Variants in MAML2 observed in about 807,000 individuals in gnomAD.
MAML2 encodes mastermind like transcriptional coactivator 2, also known as mastermind-like protein 2.
A neutral mutation model predicts 96.1 loss-of-function variants in MAML2; 22 were observed. The ratio of observed to expected loss-of-function variants is 0.23; its 90% CI spans 0.16 to 0.33. The LOEUF is 0.33. Among genes scored for constraint, MAML2 ranks in the 10% least tolerant of loss-of-function variants. The probability of loss-of-function intolerance (pLI) is 1.00; values close to 1 mark genes in which losing one functional copy is unlikely to be tolerated. For synonymous variants in MAML2, 561 were observed against 521.3 expected, an observed-to-expected ratio of 1.08 and a Z score of -1.04; for missense variants, 1,367 against 1,392.4, an observed-to-expected ratio of 0.98 and a Z score of 0.29.
intron 1 of MAML2, among the ~76,000 whole-genome samples, chr11:96,290,819 C>T (rs762539002): frequency 1.3e-5 from 2 of 152,110 alleles, no homozygotes; most frequent in African/African-American, 4.8e-5. Context: ...AATTATGGCA[C>T]TGTGTTGTAA....
chr11:95,987,395 A>G (rs1857844148), intron 3 of MAML2, among the ~76,000 whole-genome samples: 2 of 152,154 alleles, frequency 1.3e-5, no homozygotes, highest in African/African-American at 2.4e-5. Context: ...GCTGCTTTTT[A>G]TCTTGTTTGG....
chr11:96,137,692 G>A (rs939645297), intron 1 of MAML2, among the ~76,000 whole-genome samples: 5 of 152,146 alleles, frequency 3.3e-5, no homozygotes, highest in African/African-American at 7.2e-5. Context: ...TCTGAAAGAC[G>A]GTGGGCAGGG....
intron 1 of MAML2, among the ~76,000 whole-genome samples, chr11:96,158,965 T>G (rs1242689263): frequency 6.6e-6 from 1 of 152,228 alleles, no homozygotes; most frequent in East Asian, 1.9e-4. Flanking sequence ...TAGAGCCTTC[T>G]GTTTCCTATT....
Position 96,342,742 on chromosome 11 carries a change from T to G in MAML2, c.-847A>C, listed in dbSNP as rs1392197708. ...TCACTCCCTCTAAGGTTTCCTAGCC[T>G]TAAATGAAAAGCAATCTTAAGTCGC... is the stretch of plus-strand genomic sequence containing the variant. On this transcript the variant is annotated 5_prime_UTR_variant, in exon 1 of 5. Transcript: ENST00000524717. The G allele has an allele frequency of 3.1e-6, 1 of 321,968 alleles. No homozygotes were observed. The highest frequency in any genetic ancestry group is 5.6e-6 in the Non-Finnish European group (1 of 178,066). The allele number at this position is 321,968 out of a possible 1,614,324, so 19.9% of individuals were successfully genotyped here. A position where few individuals can be genotyped will look rare whatever the true frequency, so the allele number is the denominator to read the frequency against.
intron 1 of MAML2, among the ~76,000 whole-genome samples, chr11:96,273,650 A>G (rs1175065634): frequency 6.6e-6 from 1 of 152,210 alleles, no homozygotes; most frequent in Non-Finnish European, 1.5e-5. Context: ...TAGTCTATGT[A>G]GTAGTTATGT....
In MAML2 at chr11:96,167,948, T is replaced by C. The variant is rs911203427; in HGVS notation, c.514-74431A>G. ...AAGCATATGTAATGACCTATGTATATGTCTGAAGTCTGGATTCCTGCTGAG... is the reference window on the plus strand; with the variant it reads ...AAGCATATGTAATGACCTATGTATACGTCTGAAGTCTGGATTCCTGCTGAG... On this transcript the variant is annotated intron_variant, in intron 1 of 4. Transcript: ENST00000524717. Among the ~76,000 whole-genome samples the C allele has an allele frequency of 3.9e-5, 6 of 152,240 alleles. 1 individual carries two copies. Among genetic ancestry groups the C allele is most frequent in the Admixed American group, 3.3e-4 (5 of 15,288 alleles).
intron 1 of MAML2, among the ~76,000 whole-genome samples, chr11:96,237,935 T>C (rs1862386955): frequency 6.6e-6 from 1 of 152,260 alleles, no homozygotes; most frequent in South Asian, 2.1e-4. Context: ...TGAGCTGACT[T>C]ACTACATTGA....
At chr11:96,084,128 T>C (rs947661885) in intron 2 of MAML2, among the ~76,000 whole-genome samples, 1 of 151,924 alleles carries the variant, frequency 6.6e-6, no homozygotes, top group Non-Finnish European at 1.5e-5. Flanking sequence ...GTGTAGAGTG[T>C]ATATGAGTTT....
chr11:96,302,732 C>T (rs1715954012), intron 1 of MAML2, among the ~76,000 whole-genome samples: 1 of 152,072 alleles, frequency 6.6e-6, no homozygotes, highest in South Asian at 2.1e-4. Context: ...GAATTACTCT[C>T]TTGATTAAAT....
chr11:96,009,078 T>C (rs1245629359), intron 2 of MAML2, among the ~76,000 whole-genome samples: 1 of 152,194 alleles, frequency 6.6e-6, no homozygotes, highest in African/African-American at 2.4e-5. Flanking sequence ...TGAAAGTATT[T>C]TGAGTTCTTT....
At chr11:96,010,822 T>C (rs1178308154) in intron 2 of MAML2, among the ~76,000 whole-genome samples, 1 of 152,236 alleles carries the variant, frequency 6.6e-6, no homozygotes, top group African/African-American at 2.4e-5. Flanking sequence ...TTAGTTGTTC[T>C]ATATTAGTAC....
At chr11:96,184,338 G>C (rs1241741558) in intron 1 of MAML2, among the ~76,000 whole-genome samples, 4 of 152,010 alleles carry the variant, frequency 2.6e-5, no homozygotes, top group African/African-American at 9.7e-5. Context: ...TACTCAGGAG[G>C]CTGAGGCAGG....
At chr11:96,114,822 C>T (rs1324125895) in intron 1 of MAML2, among the ~76,000 whole-genome samples, 2 of 152,250 alleles carry the variant, frequency 1.3e-5, no homozygotes, top group African/African-American at 4.8e-5. Flanking sequence ...ATTAAGTATA[C>T]CTGGAATGTG....
chr11:96,170,122 T>G (rs749827305), intron 1 of MAML2, among the ~76,000 whole-genome samples: 4 of 152,224 alleles, frequency 2.6e-5, no homozygotes, highest in Admixed American at 6.5e-5. Context: ...CCCTTTCCAC[T>G]GGTTCAGGGC....
At chr11:96,122,906 G>A (rs1244032579) in intron 1 of MAML2, among the ~76,000 whole-genome samples, 2 of 152,242 alleles carry the variant, frequency 1.3e-5, no homozygotes, top group Non-Finnish European at 2.9e-5. Context: ...GGAACAGCAG[G>A]TCTAATACCC....
chr11:96,315,765 T>G (rs937821258), intron 1 of MAML2, among the ~76,000 whole-genome samples: 7 of 152,250 alleles, frequency 4.6e-5, no homozygotes, highest in Admixed American at 4.6e-4. Context: ...CCATCCTCTC[T>G]GAGCCAGGCT....
chr11:96,192,216 T>C (rs184445963), intron 1 of MAML2, among the ~76,000 whole-genome samples: 17 of 152,192 alleles, frequency 1.1e-4, no homozygotes, highest in African/African-American at 3.9e-4. Flanking sequence ...ACATGGTGGG[T>C]TGGATGGGCA....
intron 1 of MAML2, among the ~76,000 whole-genome samples, chr11:96,210,474 C>T (rs929678746): frequency 3.3e-5 from 5 of 152,202 alleles, no homozygotes; most frequent in Non-Finnish European, 7.3e-5. Context: ...TTATCAGTTA[C>T]TTACTAATTA....
intron 2 of MAML2, among the ~76,000 whole-genome samples, chr11:96,036,730 G>A (rs545866571): frequency 6.6e-6 from 1 of 152,064 alleles, no homozygotes; most frequent in East Asian, 1.9e-4. Context: ...CCGGGGCTGA[G>A]ATGTGGCGAT....
Sources: allele counts gnomAD v4.1 joint callset (sites outside exome capture counted in the v4.1 genomes callset), GRCh38; gene constraint gnomAD v4.1.1; transcripts MANE v1.5; gene names NCBI Gene and HGNC (gene_info 2026-07-23, HGNC 2026-07-21).